The following DSCAML1 variants were observed in gnomAD, a reference collection of about 807,000 sequenced individuals.
DSCAML1 encodes the protein DS cell adhesion molecule like 1.
DSCAML1 carries 38 observed loss-of-function variants against 200.5 expected under a neutral mutation model. The observed-to-expected ratio is 0.19, with a 90% CI of 0.15 to 0.25. The LOEUF is 0.25. Ranked by LOEUF, DSCAML1 falls within the 10% of genes least tolerant of loss-of-function variation. The probability of loss-of-function intolerance (pLI) is 1.00; values close to 1 mark genes in which losing one functional copy is unlikely to be tolerated. For synonymous variants in DSCAML1, 1,215 were observed against 1,165.0 expected (o/e 1.04, Z -0.87); for missense variants, 2,223 against 2,858.8 (o/e 0.78, Z 5.07).
At chr11:117,707,075 C>T (rs772555411) in intron 3 of DSCAML1, among the ~76,000 whole-genome samples, 51 of 152,120 alleles carry the variant, frequency 3.4e-4, no homozygotes, top group Non-Finnish European at 4.3e-4. Flanking sequence ...GCTGAGCTTC[C>T]GATGGCAAAG....
chr11:117,649,041 A>ATATGTGTGTGTGTGTG (rs768621807), intron 3 of DSCAML1, among the ~76,000 whole-genome samples: 9 of 137,932 alleles, frequency 6.5e-5, no homozygotes, highest in African/African-American at 2.6e-4. Flanking sequence ...CTCCATATAT[A>ATATGTGTGTGTGTGTG]TGTGTGTGTG....
rs1377014575 is a variant in DSCAML1 at position 117,498,712 on chromosome 11, C to A, written c.2359+5133G>T. Among the ~76,000 whole-genome samples the A allele has an allele frequency of 6.6e-6, 1 of 152,172 alleles. No homozygotes were observed. The highest frequency in any genetic ancestry group is 2.4e-5 in the African/African-American group (1 of 41,422). ...AGGCCCGAGGGCTTCCTTTGCTAGG[C>A]CCGCCCCCTCCATTTCTCAAGTCCC... On this transcript the variant is annotated intron_variant, in intron 11 of 32. Transcript: ENST00000651296. The surrounding 1 kb of genome is among the most constrained non-coding windows in gnomAD (Gnocchi z 4.0).
In DSCAML1 at chr11:117,518,554, G is replaced by C. The variant is rs781238005; in HGVS notation, c.1422C>G (p.Gly474=). ...ACACGCCCCCGTCGCGGATCTGGGG[G>C]CCTGTGACGTTCATGTGGCTGATGG... The part of the protein sequence containing the change: ...GTTISHMNVT[G]PQIRDGGVYR... Residue 474 remains glycine, a synonymous_variant, in exon 7 of 33, where the codon GGC becomes GGG. Transcript: ENST00000651296. The surrounding 1 kb of genome is among the most constrained non-coding windows in gnomAD (Gnocchi z 6.3). The C allele has an allele frequency of 1.2e-5, 19 of 1,614,088 alleles. No individual in the cohort carries two copies. In the South Asian group the frequency reaches 2.1e-4, roughly 18 times the overall value.
chr11:117,459,007 G>C (rs1767057134), intron 18 of DSCAML1, 98 bp from the exon 19 acceptor site: 4 of 1,473,940 alleles, frequency 2.7e-6, no homozygotes, highest in African/African-American at 2.8e-5. Flanking sequence ...CTACTGCACA[G>C]GCTCAGCCCT....
Position 117,437,003 on chromosome 11 carries a change from C to T in DSCAML1, c.4720+119G>A. 1.5e-6 allele frequency: 2 copies of T among 1,373,104 alleles called. No individual in the cohort carries two copies. Among genetic ancestry groups the T allele is most frequent in the Non-Finnish European group, 2.0e-6 (2 of 1,025,312 alleles). The allele number at this position is 1,373,104 out of a possible 1,614,324, so 85.1% of individuals were successfully genotyped here. On this transcript the variant is annotated intron_variant, in intron 26 of 32. Transcript: ENST00000651296. This position sits in a 1 kb window ranked among gnomAD's most constrained non-coding sequence, Gnocchi z 5.3. ...CACCTGCAGGCCAGCATTTCCCCCACCTGCATTCCTGCCTGTTTTTCTATT... is the reference window on the plus strand; with the variant it reads ...CACCTGCAGGCCAGCATTTCCCCCATCTGCATTCCTGCCTGTTTTTCTATT...
intron 11 of DSCAML1, among the ~76,000 whole-genome samples, chr11:117,497,765 A>G (rs2049319761): frequency 1.3e-5 from 2 of 152,242 alleles, no homozygotes; most frequent in Admixed American, 1.3e-4. Flanking sequence ...GACTATGATC[A>G]TTACCTGGCT....
At position 117,521,268 on chromosome 11, in the gene DSCAML1, C is replaced by T. The variant is rs921896794; in HGVS notation, c.1075G>A (p.Glu359Lys). ...CTGAGCCCGCGGATGGAGATGGCCT[C>T]GTCAGGCAGCACCAGCTCCGTGTTG... ...YRNTELVLPD[E>K]AISIRGLSNE... Residue 359 changes from glutamate to lysine, a missense_variant, in exon 6 of 33, where the codon GAG (glutamate) becomes AAG (lysine). Glu to Lys is a moderately conservative substitution (Grantham distance 56). Coordinates refer to ENST00000651296, the MANE Select transcript of DSCAML1 (RefSeq NM_020693.4). 1.9e-5 allele frequency: 30 copies of T among 1,614,040 alleles called. No homozygotes were observed. Among genetic ancestry groups the T allele is most frequent in the Non-Finnish European group, 2.3e-5 (27 of 1,180,030 alleles).
chr11:117,780,459 G>C lies in DSCAML1; in HGVS notation c.364+34C>G. On this transcript the variant is annotated intron_variant, in intron 2 of 32. Transcript: ENST00000651296. The surrounding 1 kb of genome is among the most constrained non-coding windows in gnomAD (Gnocchi z 4.8). ...CAGAATGACGGCGCAGCCTCCTCCTGTGCCACTGGGGCAGCCAGTGTCTTG... is the reference window on the plus strand; with the variant it reads ...CAGAATGACGGCGCAGCCTCCTCCTCTGCCACTGGGGCAGCCAGTGTCTTG... 1 of 1,415,250 alleles carries C rather than the reference G, an allele frequency of 7.1e-7. No individual in the cohort carries two copies. Among genetic ancestry groups the C allele is most frequent in the Non-Finnish European group, 9.3e-7 (1 of 1,079,970 alleles). The allele number at this position is 1,415,250 out of a possible 1,614,324, so 87.7% of individuals were successfully genotyped here.
At chr11:117,549,339 A>G (rs2050431272) in intron 3 of DSCAML1, among the ~76,000 whole-genome samples, 1 of 152,232 alleles carries the variant, frequency 6.6e-6, no homozygotes, top group Admixed American at 6.5e-5. Context: ...GCTCAGTTTC[A>G]GTTACAACAC....
At position 117,695,315 on chromosome 11, in the gene DSCAML1, C is replaced by CTTTTTTTTTTTTTTTTTT. The variant is rs753748981; in HGVS notation, c.511+81458_511+81475dup. 2.6e-4 allele frequency among the ~76,000 whole-genome samples: 30 copies of CTTTTTTTTTTTTTTTTTT among 116,696 alleles called. 1 individual carries two copies. Among genetic ancestry groups the CTTTTTTTTTTTTTTTTTT allele is most frequent in the African/African-American group, 3.5e-4 (11 of 31,366 alleles). 76.6% of individuals were successfully genotyped at this position (116,696 alleles called of 152,430 possible). On this transcript the variant is annotated intron_variant, in intron 3 of 32. Transcript: ENST00000651296. ...TTTTTTCTTTTCTTTCTTTCTTTTT[C>CTTTTTTTTTTTTTTTTTT]TTTTTTTTTTTTTTTTTTTGCTAAC... is the stretch of plus-strand genomic sequence containing the variant.
intron 4 of DSCAML1, among the ~76,000 whole-genome samples, chr11:117,529,733 G>A (rs2050039569): frequency 6.6e-6 from 1 of 151,014 alleles, no homozygotes; most frequent in African/African-American, 2.4e-5. Context: ...TCTAGAGACT[G>A]AAACATCTCA....
At chr11:117,472,385 C>G (rs1565715072) in intron 14 of DSCAML1, among the ~76,000 whole-genome samples, 1 of 152,206 alleles carries the variant, frequency 6.6e-6, no homozygotes, top group Non-Finnish European at 1.5e-5. Flanking sequence ...TGGGTCTCCC[C>G]TCACATCAGT....
intron 3 of DSCAML1, among the ~76,000 whole-genome samples, chr11:117,746,369 A>G (rs954979447): frequency 6.6e-6 from 1 of 152,116 alleles, no homozygotes; most frequent in Non-Finnish European, 1.5e-5. Context: ...TTGGGACCTG[A>G]GACCTGATGG....
chr11:117,430,087 G>A (rs563881099), intron 32 of DSCAML1, among the ~76,000 whole-genome samples: 10 of 152,290 alleles, frequency 6.6e-5, no homozygotes, highest in East Asian at 1.9e-4. Flanking sequence ...GGCTTTGCAC[G>A]CTGTGACCCC....
At chr11:117,723,324 C>T (rs1367750971) in intron 3 of DSCAML1, among the ~76,000 whole-genome samples, 1 of 152,190 alleles carries the variant, frequency 6.6e-6, no homozygotes, top group Non-Finnish European at 1.5e-5. Context: ...ATATGTTCTT[C>T]CAGTTTTGAT....
chr11:117,640,138 C>A (rs888419051), intron 3 of DSCAML1, among the ~76,000 whole-genome samples: 7 of 152,204 alleles, frequency 4.6e-5, no homozygotes, highest in Admixed American at 3.3e-4. Context: ...CAGCTCAGGT[C>A]TCAGTGCTTG....
intron 1 of DSCAML1, among the ~76,000 whole-genome samples, chr11:117,814,259 C>G (rs945114306): frequency 1.2e-4 from 18 of 152,198 alleles, no homozygotes; most frequent in Non-Finnish European, 2.6e-4. Context: ...CCGCCTGCAC[C>G]CAGGTGAAAT....
At chr11:117,786,533 G>C (rs2055355163) in intron 1 of DSCAML1, among the ~76,000 whole-genome samples, 2 of 152,090 alleles carry the variant, frequency 1.3e-5, no homozygotes, top group African/African-American at 4.8e-5. Context: ...GATTAGTTTT[G>C]CAAAGGGAAC....
chr11:117,536,509 T>C (rs1207191454), intron 3 of DSCAML1, among the ~76,000 whole-genome samples: 1 of 152,220 alleles, frequency 6.6e-6, no homozygotes, highest in Non-Finnish European at 1.5e-5. Context: ...CTGAAGCCAC[T>C]TGGACAGGTT....
Sources: gnomAD v4.1 joint callset for allele counts (sites outside exome capture counted in the v4.1 genomes callset) on GRCh38, gnomAD v4.1.1 for gene constraint, Gnocchi (gnomAD v3.1) non-coding constraint, MANE v1.5 for transcripts, NCBI Gene and HGNC (gene_info 2026-07-23, HGNC 2026-07-21) for gene names.